GLRA3: variants seen among roughly 807,000 people sequenced by gnomAD.
The protein encoded by GLRA3 is glycine receptor alpha 3.
Under a neutral mutation model 60.4 loss-of-function variants are expected in GLRA3, and 44 were observed. The ratio of observed to expected loss-of-function variants is 0.73; its 90% CI spans 0.57 to 0.94. The LOEUF is 0.94. Ranked by LOEUF, GLRA3 falls within the 40% of genes least tolerant of loss-of-function variation. The probability of loss-of-function intolerance (pLI) is 0.00; values close to 1 mark genes in which losing one functional copy is unlikely to be tolerated. For synonymous variants in GLRA3, 223 were observed against 192.9 expected (o/e 1.16, Z -1.29); for missense variants, 508 against 564.6 (o/e 0.90, Z 1.02).
rs1314077680 is a variant in GLRA3, at chr4:174,640,461, T to G, written c.*3325A>C. On this transcript the variant is annotated 3_prime_UTR_variant, in exon 10 of 10. Transcript: ENST00000274093. ...CTCCCAAGTAACCAGCAGGTTGAAGTATGTTGTGTTGAGAAAAATAGAAAA... is the reference window on the plus strand; with the variant it reads ...CTCCCAAGTAACCAGCAGGTTGAAGGATGTTGTGTTGAGAAAAATAGAAAA... 4 of 152,108 alleles carry G rather than the reference T, an allele frequency of 2.6e-5. No homozygotes were observed. The highest frequency in any genetic ancestry group is 5.9e-5 in the Non-Finnish European group (4 of 67,994). The allele number at this position is 152,108 out of a possible 1,614,324, so 9.4% of individuals were successfully genotyped here.
At chr4:174,684,964 G>T (rs1393393872) in intron 5 of GLRA3, among the ~76,000 whole-genome samples, 1 of 151,984 alleles carries the variant, frequency 6.6e-6, no homozygotes, top group African/African-American at 2.4e-5. Flanking sequence ...AGCTGAGATC[G>T]ACCATTGCAC....
At chr4:174,654,553 G>A (rs1207204486) in intron 9 of GLRA3, among the ~76,000 whole-genome samples, 1 of 152,006 alleles carries the variant, frequency 6.6e-6, no homozygotes, top group Non-Finnish European at 1.5e-5. Context: ...AGGGAAACAG[G>A]CACTAGAATA....
intron 7 of GLRA3, among the ~76,000 whole-genome samples, chr4:174,670,939 A>C (rs1579419160): frequency 6.6e-6 from 1 of 152,122 alleles, no homozygotes; most frequent in Non-Finnish European, 1.5e-5. Flanking sequence ...GATGGTATTC[A>C]TATACATTAT....
At chr4:174,795,284 A>G (rs1739520305) in intron 1 of GLRA3, among the ~76,000 whole-genome samples, 1 of 152,072 alleles carries the variant, frequency 6.6e-6, no homozygotes, top group Admixed American at 6.6e-5. Context: ...ATCTACTAAA[A>G]TTATCTGCTT....
chr4:174,788,810 A>AAAG lies in GLRA3; in HGVS notation c.199+5_199+6insCTT, dbSNP rs752912151. The AAAG allele has an allele frequency of 3.8e-6, 6 of 1,590,698 alleles. No homozygotes were observed. The highest frequency in any genetic ancestry group is 5.1e-6 in the Non-Finnish European group (6 of 1,166,374). ...ACACATATAAAGTAGCAAACAGAAC[A>AAAG]ATTACCTTTAAAATTGGGTCTGATT... is the stretch of plus-strand genomic sequence containing the variant. On this transcript the variant is annotated splice_donor_region_variant and intron_variant, in intron 2 of 9. Transcript: ENST00000274093.
chr4:174,684,712 G>A (rs542223368), intron 5 of GLRA3, among the ~76,000 whole-genome samples: 4 of 152,214 alleles, frequency 2.6e-5, no homozygotes, highest in South Asian at 4.2e-4. Flanking sequence ...TCAAATGGTC[G>A]GTATGTTAAA....
At chr4:174,720,093 C>T (rs1231237566) in intron 4 of GLRA3, among the ~76,000 whole-genome samples, 2 of 152,000 alleles carry the variant, frequency 1.3e-5, no homozygotes, top group Admixed American at 6.6e-5. Context: ...AATTTCTTCC[C>T]GTGATCTGAT....
At chr4:174,699,954 C>T (rs373379713) in intron 5 of GLRA3, among the ~76,000 whole-genome samples, 2 of 151,752 alleles carry the variant, frequency 1.3e-5, no homozygotes, top group South Asian at 4.2e-4. Flanking sequence ...GTGTTGTAAT[C>T]CACACTCCCA....
intron 6 of GLRA3, among the ~76,000 whole-genome samples, chr4:174,678,381 A>G (rs1297151957): frequency 6.6e-6 from 1 of 152,098 alleles, no homozygotes; most frequent in Non-Finnish European, 1.5e-5. Flanking sequence ...TCTTGGTTTA[A>G]TTGTTTTTAT....
chr4:174,734,915 T>C (rs1736709761), intron 3 of GLRA3, among the ~76,000 whole-genome samples: 1 of 152,178 alleles, frequency 6.6e-6, no homozygotes, highest in Non-Finnish European at 1.5e-5. Context: ...GCTCATTCAG[T>C]TTGTGGGCAC....
intron 7 of GLRA3, among the ~76,000 whole-genome samples, chr4:174,665,424 A>G (rs1305914818): frequency 6.6e-6 from 1 of 151,958 alleles, no homozygotes; most frequent in African/African-American, 2.4e-5. Context: ...CATTACAACA[A>G]TAATTATATT....
At chr4:174,823,591 T>C (rs1244603561) in intron 1 of GLRA3, among the ~76,000 whole-genome samples, 1 of 152,136 alleles carries the variant, frequency 6.6e-6, no homozygotes, top group African/African-American at 2.4e-5. Flanking sequence ...AATAATCCTG[T>C]GGAAAAGGGT....
rs112574247 is a variant in GLRA3, at chr4:174,688,873, G to T, written c.575-5934C>A. Among the ~76,000 whole-genome samples, 404 of 152,158 alleles carry T rather than the reference G, an allele frequency of 2.7e-3. 3 individuals carry two copies. The highest frequency in any genetic ancestry group is 9.4e-3 in the African/African-American group (391 of 41,516). ...AGAGCTATAAAGAATCTTAGAGAACGCTTAGGAAGAGAAAAGTGATGACAG... is the reference window on the plus strand; with the variant it reads ...AGAGCTATAAAGAATCTTAGAGAACTCTTAGGAAGAGAAAAGTGATGACAG... On this transcript the variant is annotated intron_variant, in intron 5 of 9. Coordinates refer to ENST00000274093, the MANE Select transcript of GLRA3 (RefSeq NM_006529.4).
chr4:174,718,855 T>C (rs1425240719), intron 4 of GLRA3, among the ~76,000 whole-genome samples: 1 of 152,006 alleles, frequency 6.6e-6, no homozygotes, highest in East Asian at 1.9e-4. Context: ...CACCCTGTTT[T>C]AGAGATGAGG....
intron 2 of GLRA3, among the ~76,000 whole-genome samples, chr4:174,777,495 C>T (rs1328090444): frequency 1.3e-5 from 2 of 152,110 alleles, no homozygotes; most frequent in African/African-American, 4.8e-5. Flanking sequence ...AGGCAAAACT[C>T]TAGAGACAGT....
chr4:174,721,704 T>C lies in GLRA3; in HGVS notation c.492-6134A>G, dbSNP rs185473020. Among the ~76,000 whole-genome samples the C allele has an allele frequency of 1.7e-3, 257 of 151,386 alleles. 2 individuals carry two copies. The highest frequency in any genetic ancestry group is 5.7e-3 in the African/African-American group (236 of 41,296). ...AATTAGTTTTCCAGATACATATATATCTATATATCTAAGACAGATATAAAT... is the reference window on the plus strand; with the variant it reads ...AATTAGTTTTCCAGATACATATATACCTATATATCTAAGACAGATATAAAT... On this transcript the variant is annotated intron_variant, in intron 4 of 9. Coordinates refer to ENST00000274093, the MANE Select transcript of GLRA3 (RefSeq NM_006529.4).
chr4:174,644,952 A>G (rs1219367546), intron 9 of GLRA3, among the ~76,000 whole-genome samples: 1 of 152,116 alleles, frequency 6.6e-6, no homozygotes, highest in Non-Finnish European at 1.5e-5. Context: ...TTACTTTAAC[A>G]CATTTATTTA....
At chr4:174,676,735 C>A (rs1734133471) in intron 7 of GLRA3, among the ~76,000 whole-genome samples, 1 of 151,948 alleles carries the variant, frequency 6.6e-6, no homozygotes, top group African/African-American at 2.4e-5. Flanking sequence ...TACTATGCCA[C>A]CATTTAAAAT....
At chr4:174,784,809 T>C (rs1052050209) in intron 2 of GLRA3, among the ~76,000 whole-genome samples, 1 of 152,102 alleles carries the variant, frequency 6.6e-6, no homozygotes, top group African/African-American at 2.4e-5. Context: ...AGGACTAAGA[T>C]ATAATAGAAA....
Sources: gnomAD v4.1 joint callset for allele counts (sites outside exome capture counted in the v4.1 genomes callset) on GRCh38, gnomAD v4.1.1 for gene constraint, MANE v1.5 for transcripts, NCBI Gene and HGNC (gene_info 2026-07-23, HGNC 2026-07-21) for gene names.